The following OMA1 variants were observed in gnomAD, a reference collection of about 807,000 sequenced individuals.
OMA1 encodes the protein metalloendopeptidase OMA1, mitochondrial.
In OMA1, 38 loss-of-function variants were observed where a neutral mutation model predicts 30.9. That is an observed-to-expected ratio of 1.23 (90% CI 0.95 to 1.61). The LOEUF is 1.61. OMA1 is among the 40% of genes most tolerant of loss of function. OMA1 has a pLI of 0.00. For synonymous variants in OMA1, 173 were observed against 121.9 expected, an observed-to-expected ratio of 1.42 and a Z score of -2.76; for missense variants, 461 against 349.2, an observed-to-expected ratio of 1.32 and a Z score of -2.55.
At chr1:58,543,988 C>T (rs1289903974) in intron 1 of OMA1, among the ~76,000 whole-genome samples, 1 of 152,146 alleles carries the variant, frequency 6.6e-6, no homozygotes, top group Non-Finnish European at 1.5e-5. Context: ...TCTACTGTAT[C>T]GCACAGTACA....
At chr1:58,525,549 C>G (rs1646335896) in intron 7 of OMA1, among the ~76,000 whole-genome samples, 1 of 151,834 alleles carries the variant, frequency 6.6e-6, no homozygotes, top group Non-Finnish European at 1.5e-5. Context: ...AATTTCAAAA[C>G]ATCGAGAAAA....
At chr1:58,531,175 A>G (rs1015300000) in intron 5 of OMA1, among the ~76,000 whole-genome samples, 11 of 152,304 alleles carry the variant, frequency 7.2e-5, no homozygotes, top group African/African-American at 2.6e-4. Flanking sequence ...AATCAAGTAA[A>G]TGTTTTATTT....
chr1:58,485,228 T>TTAAAA (rs533975015), intron 8 of OMA1, among the ~76,000 whole-genome samples: 4 of 42,060 alleles, frequency 9.5e-5, no homozygotes, highest in South Asian at 1.3e-3. Context: ...AGTCTACTAC[T>TTAAAA]AAAAAAAAAA....
chr1:58,529,837 T>C (rs147058461), intron 6 of OMA1, among the ~76,000 whole-genome samples: 2 of 152,202 alleles, frequency 1.3e-5, no homozygotes, highest in East Asian at 1.9e-4. Context: ...TTAAAGTATA[T>C]GAGAGGATGT....
chr1:58,500,357 G>A (rs937034494), intron 8 of OMA1, among the ~76,000 whole-genome samples: 4 of 152,068 alleles, frequency 2.6e-5, no homozygotes, highest in African/African-American at 9.7e-5. Flanking sequence ...TGTGTACACT[G>A]GCCAACAACG....
chr1:58,543,870 T>C (rs1646660552), intron 1 of OMA1, among the ~76,000 whole-genome samples: 1 of 152,254 alleles, frequency 6.6e-6, no homozygotes, highest in Non-Finnish European at 1.5e-5. Flanking sequence ...ATGTCTGCAC[T>C]GTCCAATAAG....
chr1:58,485,535 T>C (rs1645562759), intron 8 of OMA1, among the ~76,000 whole-genome samples: 1 of 152,158 alleles, frequency 6.6e-6, no homozygotes, highest in South Asian at 2.1e-4. Flanking sequence ...TGACCATACA[T>C]ATTTCTATCA....
intron 8 of OMA1, among the ~76,000 whole-genome samples, chr1:58,481,593 A>T (rs1645483460): frequency 6.6e-6 from 1 of 152,166 alleles, no homozygotes; most frequent in African/African-American, 2.4e-5. Context: ...AGATATACAT[A>T]ACTGATACAG....
intron 6 of OMA1, among the ~76,000 whole-genome samples, chr1:58,528,646 G>A (rs570489261): frequency 6.6e-6 from 1 of 152,278 alleles, no homozygotes; most frequent in African/African-American, 2.4e-5. Context: ...CCACAACAAA[G>A]AATTATCCAG....
intron 8 of OMA1, among the ~76,000 whole-genome samples, chr1:58,504,768 C>A (rs1256913852): frequency 1.3e-5 from 2 of 152,098 alleles, no homozygotes; most frequent in African/African-American, 4.8e-5. Context: ...AAACTGCATA[C>A]CGTTTTTATT....
At chr1:58,544,005 T>C (rs1446729999) in intron 1 of OMA1, among the ~76,000 whole-genome samples, 3 of 152,166 alleles carry the variant, frequency 2.0e-5, no homozygotes, top group Non-Finnish European at 4.4e-5. Flanking sequence ...TACAGGTTTG[T>C]AGGGTCCAGG....
At chr1:58,536,870 T>C (rs1469819839) in intron 2 of OMA1, 129 bp from the exon 3 acceptor site, 1 of 597,912 alleles carries the variant, frequency 1.7e-6, no homozygotes, top group African/African-American at 1.9e-5. Context: ...GCTGAATACA[T>C]CGCTTTTCCA....
intron 7 of OMA1, among the ~76,000 whole-genome samples, chr1:58,516,766 T>A (rs1054962458): frequency 1.3e-5 from 2 of 152,136 alleles, no homozygotes; most frequent in African/African-American, 4.8e-5. Context: ...TCAGAAATAG[T>A]TCCCAGTAAC....
At chr1:58,528,084 A>G (rs1646379716) in intron 6 of OMA1, among the ~76,000 whole-genome samples, 1 of 152,264 alleles carries the variant, frequency 6.6e-6, no homozygotes, top group African/African-American at 2.4e-5. Flanking sequence ...CTGAAATAAT[A>G]TAATAAATCT....
chr1:58,491,884 G>A (rs1645699357), intron 8 of OMA1, among the ~76,000 whole-genome samples: 1 of 152,122 alleles, frequency 6.6e-6, no homozygotes, highest in South Asian at 2.1e-4. Flanking sequence ...AGGATATCCA[G>A]GAATTGAACT....
At chr1:58,539,447 C>T (rs1646569210) in intron 1 of OMA1, 137 bp from the exon 2 acceptor site, 1 of 600,082 alleles carries the variant, frequency 1.7e-6, no homozygotes, top group East Asian at 2.8e-5. Context: ...TTCAACTCAT[C>T]ACCCCTAGAG....
At chr1:58,545,394 A>G (rs1646685170) in intron 1 of OMA1, among the ~76,000 whole-genome samples, 1 of 152,236 alleles carries the variant, frequency 6.6e-6, no homozygotes, top group Non-Finnish European at 1.5e-5. Context: ...TTGAATAGAA[A>G]CAGTGCCTGA....
In OMA1 at chr1:58,538,772, T is replaced by C. The variant is rs180928906; in HGVS notation, c.500+23A>G. ...AATGCAAAAAGTTAATATAAAAGTT[T>C]TTATTCTAAAAAAGCATTTTACCTG... is the stretch of plus-strand genomic sequence containing the variant. On this transcript the variant is annotated intron_variant, in intron 2 of 8. Transcript: ENST00000371226. 6.3e-4 allele frequency: 460 copies of C among 730,154 alleles called. 1 individual carries two copies. Among genetic ancestry groups the C allele is most frequent in the Non-Finnish European group, 9.0e-4 (389 of 433,842 alleles). The allele number at this position is 730,154 out of a possible 1,614,324, so 45.2% of individuals were successfully genotyped here.
At chr1:58,500,393 C>A (rs1410904996) in intron 8 of OMA1, among the ~76,000 whole-genome samples, 1 of 152,180 alleles carries the variant, frequency 6.6e-6, no homozygotes, top group Non-Finnish European at 1.5e-5. Flanking sequence ...GTTAAACACT[C>A]ATGTTTTCTG....
Sources: gnomAD v4.1 joint callset for allele counts (sites outside exome capture counted in the v4.1 genomes callset) on GRCh38, gnomAD v4.1.1 for gene constraint, MANE v1.5 for transcripts, NCBI Gene and HGNC (gene_info 2026-07-23, HGNC 2026-07-21) for gene names.